The following CDH4 variants were observed in gnomAD, a reference collection of about 807,000 sequenced individuals.
CDH4 encodes the protein cadherin 4, also known as cadherin-4.
In CDH4, 33 loss-of-function variants were observed where a neutral mutation model predicts 86.0. The observed-to-expected ratio is 0.38, with a 90% CI of 0.29 to 0.51. CDH4 has a LOEUF of 0.51. Among genes scored for constraint, CDH4 ranks in the 20% least tolerant of loss-of-function variants. The pLI, the probability that CDH4 is intolerant of heterozygous loss-of-function variation, is 0.86. For synonymous variants in CDH4, 555 were observed against 549.4 expected, an observed-to-expected ratio of 1.01 and a Z score of -0.14; for missense variants, 1,114 against 1,307.4, an observed-to-expected ratio of 0.85 and a Z score of 2.28.
chr20:61,449,515 C>T (rs1158403692), intron 2 of CDH4, among the ~76,000 whole-genome samples: 1 of 152,150 alleles, frequency 6.6e-6, no homozygotes, highest in Non-Finnish European at 1.5e-5. Context: ...TATAGTCCAT[C>T]TTGCTTAAAT....
rs1312059660 is a variant in CDH4, at chr20:61,623,522, A to G, written c.170-120041A>G. Among the ~76,000 whole-genome samples the G allele has an allele frequency of 6.6e-6, 1 of 152,188 alleles. No homozygotes were observed. The highest frequency in any genetic ancestry group is 1.5e-5 in the Non-Finnish European group (1 of 68,036). On this transcript the variant is annotated intron_variant, in intron 2 of 15. Transcript: ENST00000614565. This position sits in a 1 kb window ranked among gnomAD's most constrained non-coding sequence, Gnocchi z 4.4. ...TTCAAGAGCAAATTGAATACCTAAA[A>G]AAGTATAATTAATCAAACCATATCA...
At position 61,882,281 on chromosome 20, in the gene CDH4, C is replaced by T. The variant is rs530911598; in HGVS notation, c.1050+8381C>T. ...GCCACGCTCCAGGATGGCACCATGACGTGAAAGCCAGGTTACTTAGGAGGA... is the reference window on the plus strand; with the variant it reads ...GCCACGCTCCAGGATGGCACCATGATGTGAAAGCCAGGTTACTTAGGAGGA... On this transcript the variant is annotated intron_variant, in intron 7 of 15. Coordinates refer to ENST00000614565, the MANE Select transcript of CDH4 (RefSeq NM_001794.5). Among the ~76,000 whole-genome samples the T allele has an allele frequency of 1.6e-4, 25 of 152,324 alleles. No homozygotes were observed. The South Asian group carries it at 3.1e-3, about 19-fold the overall frequency.
chr20:61,861,800 G>A (rs988577187), intron 6 of CDH4, among the ~76,000 whole-genome samples: 40 of 152,312 alleles, frequency 2.6e-4, no homozygotes, highest in African/African-American at 8.9e-4. Flanking sequence ...GCAGTTTCCT[G>A]TAGGAAGAAG....
In CDH4 at chr20:61,574,601, T is replaced by A. The variant is rs149049033; in HGVS notation, c.170-168962T>A. ...TGGTCTCAGTGTAAGTATAAAAATATTGCAGAGGACCCAATGTGAGAAATA... is the reference window on the plus strand; with the variant it reads ...TGGTCTCAGTGTAAGTATAAAAATAATGCAGAGGACCCAATGTGAGAAATA... On this transcript the variant is annotated intron_variant, in intron 2 of 15. Transcript: ENST00000614565. 2.2e-4 allele frequency among the ~76,000 whole-genome samples: 34 copies of A among 152,308 alleles called. No individual in the cohort carries two copies. The South Asian group carries it at 4.4e-3, about 20-fold the overall frequency.
chr20:61,646,222 C>G (rs772802820), intron 2 of CDH4, among the ~76,000 whole-genome samples: 10 of 152,086 alleles, frequency 6.6e-5, no homozygotes, highest in Non-Finnish European at 8.8e-5. Flanking sequence ...GGCCTCTTCA[C>G]GCTGCCTGGA....
intron 15 of CDH4, among the ~76,000 whole-genome samples, chr20:61,935,634 C>CCAA (rs1397444731): frequency 3.3e-5 from 5 of 152,074 alleles, no homozygotes; most frequent in Non-Finnish European, 7.4e-5. Flanking sequence ...GCCTGTAATC[C>CCAA]CAACACTTTG....
chr20:61,880,510 C>T (rs868695425), intron 7 of CDH4, among the ~76,000 whole-genome samples: 41 of 152,302 alleles, frequency 2.7e-4, no homozygotes, highest in Middle Eastern at 3.4e-3. Flanking sequence ...GGAAGGACAG[C>T]GGTGAGAAGG....
At chr20:61,561,847 T>A (rs948793502) in intron 2 of CDH4, among the ~76,000 whole-genome samples, 1 of 152,244 alleles carries the variant, frequency 6.6e-6, no homozygotes. Flanking sequence ...ATAGCTCCTT[T>A]CCTGTGCTGA....
At chr20:61,674,727 C>A (rs969403431) in intron 2 of CDH4, among the ~76,000 whole-genome samples, 2 of 152,218 alleles carry the variant, frequency 1.3e-5, no homozygotes, top group Admixed American at 1.3e-4. Context: ...CGAAATCTGA[C>A]ATTCATTTTG....
chr20:61,610,529 G>T (rs2086677081), intron 2 of CDH4, among the ~76,000 whole-genome samples: 1 of 152,178 alleles, frequency 6.6e-6, no homozygotes, highest in South Asian at 2.1e-4. Context: ...CAGTGGGGTT[G>T]CTGGGTCATA....
At chr20:61,641,538 T>G (rs1034532271) in intron 2 of CDH4, among the ~76,000 whole-genome samples, 1 of 152,246 alleles carries the variant, frequency 6.6e-6, no homozygotes, top group Non-Finnish European at 1.5e-5. Context: ...CACCCTTGGT[T>G]TAGCAGATGT....
At position 61,252,676 on chromosome 20, in the gene CDH4, C is replaced by CCCCCGCCGCGCT. The variant is rs568586361; in HGVS notation, c.57+113_57+124dup. The CCCCCGCCGCGCT allele has an allele frequency of 3.4e-6, 2 of 585,412 alleles. No homozygotes were observed. Among genetic ancestry groups the CCCCCGCCGCGCT allele is most frequent in the Non-Finnish European group, 4.8e-6 (2 of 418,062 alleles). 36.3% of individuals were successfully genotyped at this position (585,412 alleles called of 1,614,324 possible). A position where few individuals can be genotyped will look rare whatever the true frequency, so the allele number is the denominator to read the frequency against. ...ACACCCGGCGGGGCTCTCCCGGGCT[C>CCCCCGCCGCGCT]CCCCGCCGCGCTCCCCGCTGCATCC... is the stretch of plus-strand genomic sequence containing the variant. On this transcript the variant is annotated intron_variant, in intron 1 of 15. Coordinates refer to ENST00000614565, the MANE Select transcript of CDH4 (RefSeq NM_001794.5). The surrounding 1 kb of genome is among the most constrained non-coding windows in gnomAD (Gnocchi z 4.4).
At chr20:61,735,919 A>T (rs548116386) in intron 2 of CDH4, among the ~76,000 whole-genome samples, 4 of 152,304 alleles carry the variant, frequency 2.6e-5, no homozygotes, top group African/African-American at 9.6e-5. Flanking sequence ...AGCCACCGCA[A>T]CAGCCTTCTA....
intron 2 of CDH4, among the ~76,000 whole-genome samples, chr20:61,374,994 C>T (rs1024913275): frequency 7.2e-5 from 11 of 152,190 alleles, no homozygotes; most frequent in Admixed American, 3.3e-4. Flanking sequence ...ACCTATAACC[C>T]GGAAGCACTT....
chr20:61,533,107 C>T (rs970416188), intron 2 of CDH4, among the ~76,000 whole-genome samples: 11 of 152,076 alleles, frequency 7.2e-5, no homozygotes, highest in African/African-American at 1.9e-4. Context: ...GAGTGAAAGC[C>T]GAGGAGAAGG....
chr20:61,618,768 G>A (rs956109222), intron 2 of CDH4, among the ~76,000 whole-genome samples: 1 of 152,242 alleles, frequency 6.6e-6, no homozygotes, highest in Admixed American at 6.5e-5. Flanking sequence ...CAATGCAGAT[G>A]TGTTGCTCTT....
At chr20:61,667,134 G>A (rs1042096815) in intron 2 of CDH4, among the ~76,000 whole-genome samples, 1 of 152,260 alleles carries the variant, frequency 6.6e-6, no homozygotes, top group Non-Finnish European at 1.5e-5. Context: ...TGTGATGGAG[G>A]CAAAGAAGGG....
rs1373999410 is a variant in CDH4 at position 61,516,460 on chromosome 20, C to T, written c.170-227103C>T. Among the ~76,000 whole-genome samples the T allele has an allele frequency of 6.6e-6, 1 of 152,158 alleles. No homozygotes were observed. Among genetic ancestry groups the T allele is most frequent in the Non-Finnish European group, 1.5e-5 (1 of 68,032 alleles). On this transcript the variant is annotated intron_variant, in intron 2 of 15. Transcript: ENST00000614565. This position sits in a 1 kb window ranked among gnomAD's most constrained non-coding sequence, Gnocchi z 4.0. ...GCCGCTGCGGCTTCCATTTTACAGA[C>T]CGGGAGGCAGAGCCCCAGAGGTCAA...
At chr20:61,645,102 A>G (rs934728586) in intron 2 of CDH4, among the ~76,000 whole-genome samples, 1 of 152,188 alleles carries the variant, frequency 6.6e-6, no homozygotes, top group African/African-American at 2.4e-5. Context: ...TGGAGGCCCC[A>G]TCTCCAAATT....
Sources: allele counts gnomAD v4.1 joint callset (sites outside exome capture counted in the v4.1 genomes callset), GRCh38; gene constraint gnomAD v4.1.1; non-coding constraint Gnocchi (gnomAD v3.1); transcripts MANE v1.5; gene names NCBI Gene and HGNC (gene_info 2026-07-23, HGNC 2026-07-21).